Variants in USP32 observed in about 807,000 individuals in gnomAD.
USP32 encodes ubiquitin carboxyl-terminal hydrolase 32.
A neutral mutation model predicts 204.8 loss-of-function variants in USP32; 59 were observed. The observed-to-expected ratio is 0.29, with a 90% CI of 0.23 to 0.36. The LOEUF (loss-of-function observed/expected upper bound fraction) is 0.36. Among genes scored for constraint, USP32 ranks in the 10% least tolerant of loss-of-function variants. The pLI is 1.00. For missense variants in USP32, 1,160 were observed against 1,946.4 expected, an observed-to-expected ratio of 0.60 and a Z score of 7.60; for synonymous variants, 517 against 678.4, an observed-to-expected ratio of 0.76 and a Z score of 3.70.
chr17:60,214,379 A>T lies in USP32; in HGVS notation c.2022+241T>A, dbSNP rs546092112. On this transcript the variant is annotated intron_variant, in intron 17 of 33. Coordinates refer to ENST00000300896, the MANE Select transcript of USP32 (RefSeq NM_032582.4). ...TCAGAGACAAATATTACAAGTATACATATAGTAACTTAAAAGATGAACTTT... is the reference window on the plus strand; with the variant it reads ...TCAGAGACAAATATTACAAGTATACTTATAGTAACTTAAAAGATGAACTTT... 3.7e-4 allele frequency among the ~76,000 whole-genome samples: 56 copies of T among 152,150 alleles called. No homozygotes were observed. The East Asian group carries it at 0.01, about 28-fold the overall frequency.
intron 9 of USP32, among the ~76,000 whole-genome samples, chr17:60,265,166 G>A (rs2086558784): frequency 6.6e-6 from 1 of 152,166 alleles, no homozygotes; most frequent in Non-Finnish European, 1.5e-5. Context: ...GTTGCCAAGG[G>A]CTCTGTCTAC....
At position 60,250,517 on chromosome 17, in the gene USP32, A is replaced by G. The variant is rs559514778; in HGVS notation, c.1136+1864T>C. Among the ~76,000 whole-genome samples the G allele has an allele frequency of 7.2e-5, 11 of 152,290 alleles. No homozygotes were observed. The South Asian group carries it at 2.3e-3, about 32-fold the overall frequency. On this transcript the variant is annotated intron_variant, in intron 11 of 33. Coordinates refer to ENST00000300896, the MANE Select transcript of USP32 (RefSeq NM_032582.4). Reference sequence around the variant, plus strand: ...AAAAGCCTTTATGTATGTCCTTACAATATCTGGTTTCTACATGTCAATTAT... The same window carrying G: ...AAAAGCCTTTATGTATGTCCTTACAGTATCTGGTTTCTACATGTCAATTAT...
chr17:60,417,218 A>C (rs1027327238), intron 1 of USP32, among the ~76,000 whole-genome samples: 1 of 151,544 alleles, frequency 6.6e-6, no homozygotes, highest in African/African-American at 2.4e-5. Flanking sequence ...GTGCCCAGCA[A>C]ATTTCTTTCT....
In USP32 at chr17:60,190,685, T is replaced by C; in HGVS notation, c.3522-2A>G. The C allele has an allele frequency of 6.3e-7, 1 of 1,588,980 alleles. No homozygotes were observed. The highest frequency in any genetic ancestry group is 8.5e-7 in the Non-Finnish European group (1 of 1,173,882). On this transcript the variant is annotated splice_acceptor_variant, in intron 28 of 33. Coordinates refer to ENST00000300896, the MANE Select transcript of USP32 (RefSeq NM_032582.4). LOFTEE classifies it high-confidence loss of function. Reference sequence around the variant, plus strand: ...TCAATTTTACAGCCTCTGCAAAATCTAAAAAGGGGGAAAAGATCCACAGAG... The same window carrying C: ...TCAATTTTACAGCCTCTGCAAAATCCAAAAAGGGGGAAAAGATCCACAGAG...
intron 15 of USP32, among the ~76,000 whole-genome samples, chr17:60,221,459 G>T (rs73322916): frequency 0.044 from 6,737 of 151,546 alleles, 534 homozygotes; most frequent in African/African-American, 0.15. Context: ...AACCTTCCTG[G>T]CATAAGGAAG....
intron 1 of USP32, among the ~76,000 whole-genome samples, chr17:60,364,971 A>G (rs2089284204): frequency 6.6e-6 from 1 of 152,242 alleles, no homozygotes; most frequent in Non-Finnish European, 1.5e-5. Flanking sequence ...GATTACAAAA[A>G]GGTCAGATGT....
intron 7 of USP32, among the ~76,000 whole-genome samples, chr17:60,267,771 G>A (rs2086631624): frequency 6.6e-6 from 1 of 151,302 alleles, no homozygotes; most frequent in African/African-American, 2.4e-5. Context: ...CGCCTGCCTT[G>A]GCCTCCCAAA....
chr17:60,304,603 T>C (rs531940956), intron 2 of USP32, among the ~76,000 whole-genome samples: 2 of 152,182 alleles, frequency 1.3e-5, no homozygotes, highest in Non-Finnish European at 2.9e-5. Flanking sequence ...AAAGTGTCTT[T>C]ATAGAATATG....
chr17:60,372,508 A>G (rs981878795), intron 1 of USP32, among the ~76,000 whole-genome samples: 7 of 151,758 alleles, frequency 4.6e-5, no homozygotes, highest in African/African-American at 1.7e-4. Context: ...ATATCTAAAC[A>G]TAGAAAAGGT....
intron 1 of USP32, among the ~76,000 whole-genome samples, chr17:60,399,114 T>C (rs1279327893): frequency 6.6e-6 from 1 of 152,140 alleles, no homozygotes; most frequent in Non-Finnish European, 1.5e-5. Context: ...GGAATGTGAA[T>C]CTCGAAAGAT....
chr17:60,380,294 C>G (rs2089624208), intron 1 of USP32, among the ~76,000 whole-genome samples: 1 of 152,162 alleles, frequency 6.6e-6, no homozygotes, highest in South Asian at 2.1e-4. Flanking sequence ...AAGCTAGGTG[C>G]AGTGGCTCAC....
chr17:60,233,536 G>A (rs889062443), intron 12 of USP32, among the ~76,000 whole-genome samples: 1 of 152,114 alleles, frequency 6.6e-6, no homozygotes, highest in Non-Finnish European at 1.5e-5. Flanking sequence ...CTATGAGGGC[G>A]ATTATTATTA....
intron 28 of USP32, among the ~76,000 whole-genome samples, chr17:60,192,457 C>T (rs8081140): frequency 0.04 from 6,088 of 152,128 alleles, 446 homozygotes; most frequent in African/African-American, 0.14. Context: ...TTTTTTGAGA[C>T]GGAGTTTCGC....
chr17:60,204,466 CT>C (rs748141290), intron 26 of USP32, among the ~76,000 whole-genome samples: 4,168 of 129,400 alleles, frequency 0.032, 107 homozygotes, highest in African/African-American at 0.1. Context: ...TTAGGAGATA[CT>C]TTTTTTTTTT....
At position 60,391,960 on chromosome 17, in the gene USP32, G is replaced by A. The variant is rs754349370; in HGVS notation, c.-21C>T. 1.2e-6 allele frequency: 2 copies of A among 1,605,290 alleles called. No individual in the cohort carries two copies. The highest frequency in any genetic ancestry group is 1.1e-5 in the South Asian group (1 of 89,912). ...CCCATGCTCCCCTCATCCCCTCGGC[G>A]GGGGGTCGGAGCCTGATCTCGCCCC... On this transcript the variant is annotated 5_prime_UTR_variant, in exon 1 of 34. Transcript: ENST00000300896.
rs554299633 is a variant in USP32 at position 60,289,718 on chromosome 17, A to G, written c.412-1036T>C. Among the ~76,000 whole-genome samples, 7 of 152,322 alleles carry G rather than the reference A, an allele frequency of 4.6e-5. No homozygotes were observed. In the East Asian group the frequency reaches 1.4e-3, roughly 29 times the overall value. On this transcript the variant is annotated intron_variant, in intron 4 of 33. Coordinates refer to ENST00000300896, the MANE Select transcript of USP32 (RefSeq NM_032582.4). Reference sequence around the variant, plus strand: ...GAGCCAGGTATTTCTAAGCAGAAAAAGGGAGAAGCAATTCACAAGGAAATA... The same window carrying G: ...GAGCCAGGTATTTCTAAGCAGAAAAGGGGAGAAGCAATTCACAAGGAAATA...
At chr17:60,401,152 A>C (rs1235316968) in intron 1 of USP32, among the ~76,000 whole-genome samples, 1 of 148,552 alleles carries the variant, frequency 6.7e-6, no homozygotes, top group African/African-American at 2.5e-5. Context: ...ACAGAGCCAG[A>C]CCCTGTCTAA....
intron 9 of USP32, among the ~76,000 whole-genome samples, chr17:60,264,946 C>T (rs959141260): frequency 1.3e-5 from 2 of 151,590 alleles, no homozygotes; most frequent in African/African-American, 4.9e-5. Context: ...TCTCAGATAT[C>T]CTTACGGTTG....
At chr17:60,219,992 A>T (rs1236768933) in intron 15 of USP32, among the ~76,000 whole-genome samples, 1 of 151,540 alleles carries the variant, frequency 6.6e-6, no homozygotes, top group Non-Finnish European at 1.5e-5. Context: ...TCCTAAGATT[A>T]TAACTCCTTG....
Sources: gnomAD v4.1 joint callset for allele counts (sites outside exome capture counted in the v4.1 genomes callset) on GRCh38, gnomAD v4.1.1 for gene constraint, MANE v1.5 for transcripts, NCBI Gene and HGNC (gene_info 2026-07-23, HGNC 2026-07-21) for gene names.